The following RNF115 variants were observed in gnomAD, a reference collection of about 807,000 sequenced individuals.
The protein encoded by RNF115 is ring finger protein 115.
In RNF115, 31 loss-of-function variants were observed where a neutral mutation model predicts 39.2. The ratio of observed to expected loss-of-function variants is 0.79; its 90% CI spans 0.59 to 1.07. The LOEUF (loss-of-function observed/expected upper bound fraction) is 1.07, where lower values mean the gene tolerates loss of function less well. Among genes scored for constraint, RNF115 ranks in the 50% least tolerant of loss-of-function variants. RNF115 has a pLI of 0.00. For synonymous variants in RNF115, 124 were observed against 131.0 expected, an observed-to-expected ratio of 0.95 and a Z score of 0.37; for missense variants, 384 against 381.7, an observed-to-expected ratio of 1.01 and a Z score of -0.05.
At chr1:145,785,511 G>C (rs1164282764) in intron 2 of RNF115, among the ~76,000 whole-genome samples, 1 of 152,134 alleles carries the variant, frequency 6.6e-6, no homozygotes, top group Non-Finnish European at 1.5e-5. Flanking sequence ...AATTTGCAAA[G>C]AACAAAGAAA....
At chr1:145,761,852 A>C (rs971539619) in intron 4 of RNF115, among the ~76,000 whole-genome samples, 4 of 152,188 alleles carry the variant, frequency 2.6e-5, no homozygotes, top group African/African-American at 9.7e-5. Flanking sequence ...AACACCAGCC[A>C]GTGAAAGCAG....
intron 1 of RNF115, among the ~76,000 whole-genome samples, chr1:145,795,901 C>G (rs587678990): frequency 6.6e-6 from 1 of 152,300 alleles, no homozygotes; most frequent in East Asian, 1.9e-4. Flanking sequence ...CTGGACTATC[C>G]TCCTGCAATC....
At chr1:145,784,411 C>T (rs1001233192) in intron 3 of RNF115, 128 bp downstream of exon 3, 19 of 818,246 alleles carry the variant, frequency 2.3e-5, no homozygotes, top group Admixed American at 2.1e-4. Context: ...AGGGTTACTA[C>T]GGCCCACATT....
chr1:145,776,941 A>G (rs1275138058), intron 3 of RNF115, among the ~76,000 whole-genome samples: 17 of 152,208 alleles, frequency 1.1e-4, no homozygotes, highest in Admixed American at 1.1e-3. Context: ...TTACTTTCTA[A>G]TTATAGTCTT....
At position 145,743,066 on chromosome 1, in the gene RNF115, TTC is replaced by T. The variant is rs1657732904; in HGVS notation, c.*3798_*3799del. 1 of 152,200 alleles carries T rather than the reference TTC, an allele frequency of 6.6e-6. No individual in the cohort carries two copies. Among genetic ancestry groups the T allele is most frequent in the South Asian group, 2.1e-4 (1 of 4,834 alleles). The allele number at this position is 152,200 out of a possible 1,614,324, so 9.4% of individuals were successfully genotyped here. A position where few individuals can be genotyped will look rare whatever the true frequency, so the allele number is the denominator to read the frequency against. ...GGAGCACTCTGTATACATGTATCAT[TTC>T]TGTTTTTCCTCATTGTGATGGTTAA... On this transcript the variant is annotated 3_prime_UTR_variant, in exon 9 of 9. Transcript: ENST00000582693.
intron 3 of RNF115, among the ~76,000 whole-genome samples, chr1:145,774,492 G>A (rs782200867): frequency 1.3e-5 from 2 of 152,020 alleles, no homozygotes; most frequent in Non-Finnish European, 2.9e-5. Context: ...TGGGATTACA[G>A]GCATGTGACA....
intron 1 of RNF115, among the ~76,000 whole-genome samples, chr1:145,814,306 T>C (rs61816205): frequency 0.51 from 77,887 of 151,306 alleles, 19,891 homozygotes; most frequent in East Asian, 0.7. Context: ...AAATGTTCCC[T>C]GGGAAACAAA....
intron 1 of RNF115, among the ~76,000 whole-genome samples, chr1:145,789,700 CTTTTTT>C (rs67276251): frequency 0.01 from 900 of 86,690 alleles, 10 homozygotes; most frequent in Non-Finnish European, 0.013. Context: ...ACCCGGACTT[CTTTTTT>C]TTTTTTTTTT....
chr1:145,764,764 G>T (rs1553714491), intron 4 of RNF115, among the ~76,000 whole-genome samples: 2 of 148,400 alleles, frequency 1.3e-5, no homozygotes, highest in African/African-American at 4.9e-5. Context: ...GTGGGGGCCA[G>T]CCCCCGCCCA....
rs143756822 is a variant in RNF115, at chr1:145,763,423, C to A, written c.428+8288G>T. On this transcript the variant is annotated intron_variant, in intron 4 of 8. Coordinates refer to ENST00000582693, the MANE Select transcript of RNF115 (RefSeq NM_014455.4). ...ACAATAAAATAAAAATGGGGCTGGG[C>A]GCAGTGGCTCACGCCTGTAATCCCA... 5.3e-3 allele frequency among the ~76,000 whole-genome samples: 813 copies of A among 152,244 alleles called. 15 individuals carry two copies. The highest frequency in any genetic ancestry group is 0.019 in the African/African-American group (775 of 41,546).
rs377184933 is a variant in RNF115, at chr1:145,750,478, G to A, written c.596C>T (p.Thr199Ile). The change falls in exon 7 of 9, where the codon ACA becomes ATA. Residue 199 changes from threonine (T) to isoleucine (I), a missense_variant. Transcript: ENST00000582693. ...TTCCTTGTCAGCTGGGGGAGGGCCT[G>A]TGTTTTCCAGTTGTCCTAAAAGCTA... ...VTQLLGQLEN[T>I]GPPPADKEKI... is the part of the protein sequence containing the mutation. 1 of 1,613,904 alleles carries A rather than the reference G, an allele frequency of 6.2e-7. No individual in the cohort carries two copies. Among genetic ancestry groups the A allele is most frequent in the Non-Finnish European group, 8.5e-7 (1 of 1,179,836 alleles).
chr1:145,801,022 T>A (rs1048929674), intron 1 of RNF115, among the ~76,000 whole-genome samples: 13 of 151,890 alleles, frequency 8.6e-5, no homozygotes, highest in Non-Finnish European at 1.6e-4. Context: ...TACATAAAAA[T>A]TAGCTGGGCG....
At chr1:145,780,653 A>G (rs1648100934) in intron 3 of RNF115, among the ~76,000 whole-genome samples, 1 of 151,728 alleles carries the variant, frequency 6.6e-6, no homozygotes, top group African/African-American at 2.4e-5. Context: ...GTGAAACTCA[A>G]GATACATATT....
Position 145,751,521 on chromosome 1 carries a change from G to A in RNF115, c.501-11C>T. On this transcript the variant is annotated splice_polypyrimidine_tract_variant and intron_variant, in intron 5 of 8. Transcript: ENST00000582693. ...TGCAGCATCCCGCTCCTATACGTGA[G>A]ATGAGATAGACAGCATTAGATGGAG... The A allele has an allele frequency of 6.3e-7, 1 of 1,584,420 alleles. No homozygotes were observed. The highest frequency in any genetic ancestry group is 8.6e-7 in the Non-Finnish European group (1 of 1,161,700).
intron 3 of RNF115, among the ~76,000 whole-genome samples, chr1:145,775,511 T>A (rs1369070190): frequency 6.7e-6 from 1 of 149,234 alleles, no homozygotes; most frequent in Non-Finnish European, 1.5e-5. Flanking sequence ...TCCTCCCACC[T>A]CAATCTCCCA....
At chr1:145,799,481 T>TTAATA (rs1649131471) in intron 1 of RNF115, among the ~76,000 whole-genome samples, 1 of 152,170 alleles carries the variant, frequency 6.6e-6, no homozygotes, top group South Asian at 2.1e-4. Context: ...GCCAGGACTC[T>TTAATA]TAATACTATG....
At chr1:145,808,268 G>A (rs1649543703) in intron 1 of RNF115, among the ~76,000 whole-genome samples, 1 of 152,048 alleles carries the variant, frequency 6.6e-6, no homozygotes. Context: ...TATCCATTCT[G>A]TTTTCCATAG....
At chr1:145,774,335 ATTTC>A (rs1263509125) in intron 3 of RNF115, among the ~76,000 whole-genome samples, 5 of 147,304 alleles carry the variant, frequency 3.4e-5, no homozygotes, top group Non-Finnish European at 7.5e-5. Flanking sequence ...AAATCCAGAC[ATTTC>A]TTTCTTTTTT....
intron 4 of RNF115, among the ~76,000 whole-genome samples, chr1:145,764,176 G>C (rs587678922): frequency 5.3e-5 from 8 of 152,300 alleles, no homozygotes; most frequent in Admixed American, 3.3e-4. Context: ...TCGGCCTCCC[G>C]AGGTGCCGGG....
Sources: gnomAD v4.1 joint callset for allele counts (sites outside exome capture counted in the v4.1 genomes callset) on GRCh38, gnomAD v4.1.1 for gene constraint, MANE v1.5 for transcripts, NCBI Gene and HGNC (gene_info 2026-07-23, HGNC 2026-07-21) for gene names.